The following ICE1 variants were observed in gnomAD, a reference collection of about 807,000 sequenced individuals.
ICE1 encodes the protein interactor of little elongation complex ELL subunit 1.
ICE1 carries 64 observed loss-of-function variants against 192.7 expected under a neutral mutation model. The observed-to-expected ratio is 0.33, with a 90% CI of 0.27 to 0.41. The LOEUF (loss-of-function observed/expected upper bound fraction) is 0.41, where lower values mean the gene tolerates loss of function less well. Ranked by LOEUF, ICE1 falls within the 10% of genes least tolerant of loss-of-function variation. The pLI is 1.00. For missense variants in ICE1, 2,708 were observed against 2,696.0 expected, an observed-to-expected ratio of 1.00 and a Z score of -0.10; for synonymous variants, 1,010 against 984.5, an observed-to-expected ratio of 1.03 and a Z score of -0.49.
Position 5,465,344 on chromosome 5 carries a change from G to C in ICE1, c.5892+118G>C, listed in dbSNP as rs999345719. ...AACAAAAGTTTTACTTCAAGGATGA[G>C]AGTTATCCATGTAAACATTACGACT... On this transcript the variant is annotated intron_variant, in intron 13 of 18. Coordinates refer to ENST00000296564, the MANE Select transcript of ICE1 (RefSeq NM_015325.3). 7 of 671,354 alleles carry C rather than the reference G, an allele frequency of 1.0e-5. No individual in the cohort carries two copies. The East Asian group carries it at 1.9e-4, about 18-fold the overall frequency. 41.6% of individuals were successfully genotyped at this position (671,354 alleles called of 1,614,324 possible).
intron 1 of ICE1, among the ~76,000 whole-genome samples, chr5:5,434,524 A>AT (rs1265974099): frequency 6.6e-6 from 1 of 152,218 alleles, no homozygotes; most frequent in Non-Finnish European, 1.5e-5. Context: ...TCTTACTGTA[A>AT]TCAACAAACA....
At position 5,462,635 on chromosome 5, in the gene ICE1, C is replaced by G. The variant is rs758941095; in HGVS notation, c.3301C>G (p.Arg1101Gly). ...PGTLHCYTGI[R>G]EGGDDTEVES... is the part of the protein sequence containing the mutation. ...TACCTTACATTGTTACACAGGCATT[C>G]GAGAGGGGGGAGACGACACTGAGGT... The change falls in exon 13 of 19, where the codon CGA becomes GGA. Residue 1101 changes from arginine to glycine, a missense_variant. Arg to Gly is a moderately radical substitution (Grantham distance 125). This residue lies in a region of ICE1 where 2,366 missense variants were observed against 2,276.6 expected (regional missense o/e 1.04). Coordinates refer to ENST00000296564, the MANE Select transcript of ICE1 (RefSeq NM_015325.3). 4 of 1,613,836 alleles carry G rather than the reference C, an allele frequency of 2.5e-6. No homozygotes were observed. Among genetic ancestry groups the G allele is most frequent in the Non-Finnish European group, 2.5e-6 (3 of 1,179,884 alleles).
At chr5:5,434,802 A>G (rs78027996) in intron 1 of ICE1, among the ~76,000 whole-genome samples, 2,588 of 152,314 alleles carry the variant, frequency 0.017, 71 homozygotes, top group African/African-American at 0.059. Context: ...TTTTCCTTAC[A>G]TCCTTACCAA....
chr5:5,423,232 T>G (rs990105411), intron 1 of ICE1, among the ~76,000 whole-genome samples: 1 of 152,038 alleles, frequency 6.6e-6, no homozygotes. Flanking sequence ...TGGAATGCGC[T>G]GGTGTAACGG....
intron 17 of ICE1, among the ~76,000 whole-genome samples, chr5:5,484,462 G>A (rs1464901428): frequency 1.3e-5 from 2 of 152,190 alleles, no homozygotes; most frequent in Admixed American, 6.5e-5. Flanking sequence ...CAGATCCAGT[G>A]GTATGCTGGT....
At chr5:5,455,269 G>A (rs993557593) in intron 11 of ICE1, among the ~76,000 whole-genome samples, 2 of 151,996 alleles carry the variant, frequency 1.3e-5, no homozygotes, top group African/African-American at 4.8e-5. Context: ...AAATGTTAAG[G>A]GACAAGTTAC....
In ICE1 at chr5:5,463,263, G is replaced by A. The variant is rs1738858202; in HGVS notation, c.3929G>A (p.Gly1310Asp). Residue 1310 changes from glycine to aspartate, a missense_variant, in exon 13 of 19, where the codon GGC becomes GAC. By Grantham distance (94) the Gly-to-Asp change is moderately conservative. Around this residue, in one of 2 missense-constraint regions of ICE1, gnomAD observed 2,366 missense variants for 2,276.6 expected, o/e 1.04. Transcript: ENST00000296564. The stretch of plus-strand genomic sequence containing the variant: ...AAAAGTCCATTTCGGGAAACGACTG[G>A]CTCCTCATCACATGCTTCAGAACCA... ...KEKSPFRETT[G>D]SSSHASEPTP... The A allele has an allele frequency of 6.2e-7, 1 of 1,613,170 alleles. No homozygotes were observed. Among genetic ancestry groups the A allele is most frequent in the African/African-American group, 1.3e-5 (1 of 74,866 alleles).
chr5:5,435,661 T>G (rs550575875), intron 1 of ICE1, among the ~76,000 whole-genome samples: 28 of 126,500 alleles, frequency 2.2e-4, no homozygotes, highest in South Asian at 8.1e-4. Context: ...ATTTGTGTTT[T>G]TTTTTTTTTT....
intron 1 of ICE1, among the ~76,000 whole-genome samples, chr5:5,431,171 A>G (rs1338671745): frequency 1.3e-5 from 2 of 152,170 alleles, no homozygotes; most frequent in African/African-American, 4.8e-5. Context: ...GCAACTCAAA[A>G]TGACATCTAG....
At chr5:5,448,767 A>G (rs753475204) in intron 10 of ICE1, among the ~76,000 whole-genome samples, 6 of 151,926 alleles carry the variant, frequency 3.9e-5, no homozygotes, top group Non-Finnish European at 7.4e-5. Context: ...TTTTTTTAAA[A>G]TTCAGAGTAC....
At chr5:5,423,110 C>T (rs570613889) in intron 1 of ICE1, 111 bp downstream of exon 1, 7 of 538,144 alleles carry the variant, frequency 1.3e-5, no homozygotes, top group African/African-American at 2.0e-5. Context: ...CGCTGCTCTC[C>T]CTTCCCAACC....
intron 17 of ICE1, among the ~76,000 whole-genome samples, chr5:5,476,829 C>T (rs751567195): frequency 4.6e-5 from 7 of 152,126 alleles, no homozygotes; most frequent in Non-Finnish European, 8.8e-5. Context: ...CAAACTGTAT[C>T]GAGGATATCT....
intron 3 of ICE1, among the ~76,000 whole-genome samples, 178 bp from the exon 4 acceptor site, chr5:5,439,717 C>T (rs1737982658): frequency 6.6e-6 from 1 of 151,742 alleles, no homozygotes; most frequent in Non-Finnish European, 1.5e-5. Flanking sequence ...GGAAATAACT[C>T]AGTAAAAAGA....
chr5:5,439,772 T>C lies in ICE1; in HGVS notation c.179-123T>C, dbSNP rs1737984344. 2.4e-5 allele frequency: 13 copies of C among 544,750 alleles called. No individual in the cohort carries two copies. The South Asian group carries it at 4.3e-4, about 18-fold the overall frequency. The allele number at this position is 544,750 out of a possible 1,614,324, so 33.7% of individuals were successfully genotyped here. A position where few individuals can be genotyped will look rare whatever the true frequency, so the allele number is the denominator to read the frequency against. ...TTGCATTTTGAATATAGTTTTCTAGTATTTATGATCTTGCCTGTATATATG... is the reference window on the plus strand; with the variant it reads ...TTGCATTTTGAATATAGTTTTCTAGCATTTATGATCTTGCCTGTATATATG... On this transcript the variant is annotated intron_variant, in intron 3 of 18. Transcript: ENST00000296564.
At position 5,462,712 on chromosome 5, in the gene ICE1, T is replaced by C. The variant is rs1738835114; in HGVS notation, c.3378T>C (p.Pro1126=). 2 of 1,613,898 alleles carry C rather than the reference T, an allele frequency of 1.2e-6. No individual in the cohort carries two copies. The change falls in exon 13 of 19, where the codon CCT becomes CCC. Residue 1126 remains proline, a synonymous_variant. Transcript: ENST00000296564. The part of the protein sequence containing the change: ...CSEGSEQQDA[P]DDSQKNLGDT... ...AGGGGAGCGAACAGCAAGATGCTCC[T>C]GATGACTCACAGAAAAATTTAGGAG...
In ICE1 at chr5:5,465,183, A is replaced by G. The variant is rs1297759075; in HGVS notation, c.5849A>G (p.Asp1950Gly). ...GNISKKPVMRDQEKEVVYEFS... is the reference protein window; with the variant it reads ...GNISKKPVMRGQEKEVVYEFS... Reference sequence around the variant, plus strand: ...ATCTCCAAAAAGCCCGTAATGAGAGATCAAGAGAAGGAAGTTGTTTATGAA... The same window carrying G: ...ATCTCCAAAAAGCCCGTAATGAGAGGTCAAGAGAAGGAAGTTGTTTATGAA... The change falls in exon 13 of 19, where the codon GAT (aspartate) becomes GGT (glycine). Residue 1950 changes from aspartate (D) to glycine (G), a missense_variant. By Grantham distance (94) the Asp-to-Gly change is moderately conservative (BLOSUM62 -1). Around this residue, in one of 2 missense-constraint regions of ICE1, gnomAD observed 342 missense variants for 419.3 expected, o/e 0.82. Transcript: ENST00000296564. The G allele has an allele frequency of 6.3e-7, 1 of 1,598,848 alleles. No individual in the cohort carries two copies. The highest frequency in any genetic ancestry group is 1.7e-4 in the Middle Eastern group (1 of 6,040).
At position 5,463,506 on chromosome 5, in the gene ICE1, AAAC is replaced by A. The variant is rs778325405; in HGVS notation, c.4177_4179del (p.Thr1393del). 11 of 1,613,478 alleles carry A rather than the reference AAAC, an allele frequency of 6.8e-6. No individual in the cohort carries two copies. The African/African-American group carries it at 1.2e-4, about 18-fold the overall frequency. On this transcript the variant is annotated inframe_deletion, in exon 13 of 19. Transcript: ENST00000296564. ...GAGCAAAGTTCTAACTGCGAGGCCG[AAAC>A]AACATTTCAGTGTCAGATAGCAACA...
intron 14 of ICE1, among the ~76,000 whole-genome samples, chr5:5,467,500 C>T (rs575722988): frequency 2.2e-4 from 34 of 152,156 alleles, no homozygotes; most frequent in Non-Finnish European, 4.7e-4. Flanking sequence ...GTGTTTCACT[C>T]CATTAATTTC....
intron 1 of ICE1, among the ~76,000 whole-genome samples, chr5:5,428,728 T>C (rs1342656453): frequency 6.6e-6 from 1 of 152,236 alleles, no homozygotes; most frequent in African/African-American, 2.4e-5. Context: ...TTTTGCTTGC[T>C]GGCCTGGGAG....
Sources: gnomAD v4.1 joint callset for allele counts (sites outside exome capture counted in the v4.1 genomes callset) on GRCh38, gnomAD v4.1.1 for gene constraint, gnomAD v4.1.1 regional missense constraint, MANE v1.5 for transcripts, NCBI Gene and HGNC (gene_info 2026-07-23, HGNC 2026-07-21) for gene names.